The following TCTN1 variants were observed in gnomAD, a reference collection of about 807,000 sequenced individuals.
TCTN1 encodes the protein tectonic-1.
Under a neutral mutation model 65.8 loss-of-function variants are expected in TCTN1, and 58 were observed. The ratio of observed to expected loss-of-function variants is 0.88; its 90% CI spans 0.71 to 1.10. The LOEUF is 1.10. TCTN1 is among the 50% of genes least tolerant of loss of function. TCTN1 has a pLI of 0.00. For missense variants in TCTN1, 645 were observed against 719.4 expected (o/e 0.90, Z 1.18); for synonymous variants, 273 against 289.1 (o/e 0.94, Z 0.57).
intron 7 of TCTN1, among the ~76,000 whole-genome samples, chr12:110,637,851 C>T (rs538154915): frequency 6.6e-5 from 10 of 152,230 alleles, no homozygotes; most frequent in Non-Finnish European, 1.0e-4. Context: ...TCTAACGCAG[C>T]GTCCAGTAGG....
At position 110,626,487 on chromosome 12, in the gene TCTN1, C is replaced by T. The variant is rs369542737; in HGVS notation, c.467C>T (p.Thr156Ile). 2.2e-5 allele frequency: 35 copies of T among 1,611,958 alleles called. No homozygotes were observed. The highest frequency in any genetic ancestry group is 2.8e-5 in the Non-Finnish European group (33 of 1,179,302). Residue 156 changes from threonine to isoleucine, a missense_variant, in exon 3 of 15, where the codon ACA becomes ATA. Physicochemically the swap from Thr to Ile is moderately conservative, Grantham distance 89. Coordinates refer to ENST00000397659, the MANE Select transcript of TCTN1 (RefSeq NM_001082538.3). ...CCATCTATTTTCTGCATTCATATTA[C>T]AAACTGTAAGTATTTGACATTGATA... ...INPSIFCIHI[T>I]NYKPALSFIN...
At chr12:110,616,435 C>T (rs765876701) in intron 1 of TCTN1, 6 of 270,988 alleles carry the variant, frequency 2.2e-5, no homozygotes, top group Admixed American at 4.0e-5. Flanking sequence ...TTTGTAGGGA[C>T]GGGGTTTCAC....
chr12:110,622,376 A>C (rs924360975), intron 2 of TCTN1, among the ~76,000 whole-genome samples: 1 of 152,128 alleles, frequency 6.6e-6, no homozygotes, highest in Non-Finnish European at 1.5e-5. Context: ...CACCAGGGAC[A>C]TAAAGATGAG....
Position 110,626,759 on chromosome 12 carries a change from C to T in TCTN1, c.472+267C>T, listed in dbSNP as rs549450964. 5.6e-5 allele frequency among the ~76,000 whole-genome samples: 7 copies of T among 125,858 alleles called. No homozygotes were observed. The East Asian group carries it at 1.2e-3, about 22-fold the overall frequency. 82.6% of individuals were successfully genotyped at this position (125,858 alleles called of 152,430 possible). ...CATGCCTGGATAATTTTTGTGTGTG[C>T]GTGGTTTTTTTTTTTTTTTTTTTTT... On this transcript the variant is annotated intron_variant, in intron 3 of 14. Coordinates refer to ENST00000397659, the MANE Select transcript of TCTN1 (RefSeq NM_001082538.3).
At position 110,626,463 on chromosome 12, in the gene TCTN1, C is replaced by T. The variant is rs781539332; in HGVS notation, c.443C>T (p.Pro148Leu). ...TTTGAACTTGTTGACCAGATTAATC[C>T]ATCTATTTTCTGCATTCATATTACA... ...RVFELVDQIN[P>L]SIFCIHITNY... Residue 148 changes from proline to leucine, a missense_variant, in exon 3 of 15, where the codon CCA (proline) becomes CTA (leucine). By Grantham distance (98) the Pro-to-Leu change is moderately conservative. Coordinates refer to ENST00000397659, the MANE Select transcript of TCTN1 (RefSeq NM_001082538.3). 1.9e-6 allele frequency: 3 copies of T among 1,612,398 alleles called. No homozygotes were observed. Among genetic ancestry groups the T allele is most frequent in the Non-Finnish European group, 1.7e-6 (2 of 1,179,230 alleles).
rs1307879089 is a variant in TCTN1 at position 110,628,862 on chromosome 12, G to T, written c.568G>T (p.Glu190Ter). 2.0e-5 allele frequency: 32 copies of T among 1,613,632 alleles called. No homozygotes were observed. Among genetic ancestry groups the T allele is most frequent in the Non-Finnish European group, 2.7e-5 (32 of 1,179,904 alleles). ...KTSDGFTLNAESYVSFTTKLD... is the reference protein window; with the variant it reads ...KTSDGFTLNA The stretch of plus-strand genomic sequence containing the variant: ...ATCTGATGGTTTTACATTGAATGCT[G>T]AATCATATGTTTCCTTCACAACCAA... Residue 190 changes from glutamate to a stop codon, truncating the protein, a stop_gained, in exon 4 of 15, where the codon GAA (glutamate) becomes TAA (stop). Coordinates refer to ENST00000397659, the MANE Select transcript of TCTN1 (RefSeq NM_001082538.3). LOFTEE classifies it high-confidence loss of function.
chr12:110,634,918 G>T (rs2066461088), intron 6 of TCTN1, 139 bp downstream of exon 6: 2 of 624,338 alleles, frequency 3.2e-6, no homozygotes, highest in Non-Finnish European at 5.6e-6. Context: ...TTTTATATCA[G>T]TGATTATTGA....
chr12:110,634,537 C>T, intron 5 of TCTN1, 133 bp from the exon 6 acceptor site: 1 of 754,340 alleles, frequency 1.3e-6, no homozygotes, highest in South Asian at 1.6e-5. Context: ...CAAACAACAA[C>T]AAAATTGTAT....
intron 3 of TCTN1, chr12:110,628,296 A>G: frequency 1.4e-6 from 2 of 1,474,594 alleles, no homozygotes; most frequent in Non-Finnish European, 1.8e-6. Context: ...TGTTTGTTTA[A>G]TAAGCTTTAA....
At chr12:110,627,737 T>C in intron 3 of TCTN1, 1 of 455,914 alleles carries the variant, frequency 2.2e-6, no homozygotes, top group Admixed American at 3.8e-5. Flanking sequence ...AATATTTGCA[T>C]GAAAACAGGA....
At chr12:110,632,410 C>A in intron 4 of TCTN1, 62 bp from the exon 5 acceptor site, 2 of 1,560,258 alleles carry the variant, frequency 1.3e-6, no homozygotes, top group South Asian at 1.1e-5. Context: ...TGTGGGTGCC[C>A]AGTAAGTGTT....
chr12:110,633,971 C>A (rs2066394932), intron 5 of TCTN1, among the ~76,000 whole-genome samples: 1 of 152,132 alleles, frequency 6.6e-6, no homozygotes, highest in African/African-American at 2.4e-5. Context: ...AAGATGGAGA[C>A]AACTTAAGTG....
Position 110,647,266 on chromosome 12 carries a change from G to A in TCTN1, c.1565G>A (p.Gly522Glu). The A allele has an allele frequency of 6.2e-7, 1 of 1,614,168 alleles. No homozygotes were observed. Among genetic ancestry groups the A allele is most frequent in the South Asian group, 1.1e-5 (1 of 91,084 alleles). The part of the protein sequence containing the change: ...LVIEVKWTKY[G>E]SLLNPQAKIV... ...ATAGAAGTGAAGTGGACTAAATACG[G>A]ATCCCTGCTGAATCCACAGGCCAAA... The change falls in exon 13 of 15, where the codon GGA becomes GAA. Residue 522 changes from glycine to glutamate, a missense_variant. Coordinates refer to ENST00000397659, the MANE Select transcript of TCTN1 (RefSeq NM_001082538.3).
chr12:110,646,922 TG>T, intron 12 of TCTN1: 2 of 449,598 alleles, frequency 4.4e-6, no homozygotes, highest in Non-Finnish European at 4.1e-6. Flanking sequence ...GGTCCACAGT[TG>T]GGTATTGGCA....
chr12:110,647,578 C>T, intron 13 of TCTN1, 171 bp from the exon 14 acceptor site: 1 of 1,091,982 alleles, frequency 9.2e-7, no homozygotes, highest in South Asian at 1.4e-5. Flanking sequence ...TAATCAGACA[C>T]CCTGGTAAAA....
At chr12:110,625,363 G>A (rs530935609) in intron 2 of TCTN1, among the ~76,000 whole-genome samples, 7 of 152,274 alleles carry the variant, frequency 4.6e-5, no homozygotes, top group Admixed American at 3.3e-4. Flanking sequence ...CCTCAAGTGA[G>A]CCTTGCATCT....
intron 4 of TCTN1, 163 bp downstream of exon 4, chr12:110,629,081 A>G: frequency 1.3e-6 from 1 of 793,746 alleles, no homozygotes; most frequent in Non-Finnish European, 2.0e-6. Flanking sequence ...CATGAAAATT[A>G]AAACTGAATA....
At chr12:110,616,490 C>T (rs2065045065) in intron 1 of TCTN1, 1 of 234,058 alleles carries the variant, frequency 4.3e-6, no homozygotes, top group Non-Finnish European at 9.1e-6. Context: ...CAAGTGATTG[C>T]CCACCTAGGC....
intron 3 of TCTN1, 98 bp downstream of exon 3, chr12:110,626,590 G>C: frequency 7.7e-7 from 1 of 1,291,066 alleles, no homozygotes; most frequent in Non-Finnish European, 1.1e-6. Context: ...TATGATTATG[G>C]TTTTTTTGAG....
Sources: gnomAD v4.1 joint callset for allele counts (sites outside exome capture counted in the v4.1 genomes callset) on GRCh38, gnomAD v4.1.1 for gene constraint, MANE v1.5 for transcripts, NCBI Gene and HGNC (gene_info 2026-07-23, HGNC 2026-07-21) for gene names.